Variants in DCDC2B observed in about 807,000 individuals in gnomAD.
The protein encoded by DCDC2B is doublecortin domain-containing protein 2B.
A neutral mutation model predicts 38.9 loss-of-function variants in DCDC2B; 41 were observed. The observed-to-expected ratio is 1.05, with a 90% CI of 0.82 to 1.37. DCDC2B has a LOEUF of 1.37. DCDC2B is among the 40% of genes most tolerant of loss of function. DCDC2B has a pLI of 0.00. For missense variants in DCDC2B, 453 were observed against 427.2 expected (o/e 1.06, Z -0.53); for synonymous variants, 181 against 171.9 (o/e 1.05, Z -0.41).
At position 32,214,846 on chromosome 1, in the gene DCDC2B, A is replaced by AC. The variant is rs1396124368; in HGVS notation, c.766dup (p.Arg256ProfsTer3). 2.5e-6 allele frequency: 4 copies of AC among 1,613,758 alleles called. No individual in the cohort carries two copies. In the African/African-American group the frequency reaches 4.0e-5, roughly 16 times the overall value. The stretch of plus-strand genomic sequence containing the variant: ...ACCCAGCCCTCTCCAAAGGAACCAG[A>AC]CCGAATTAAGCCATCTGCTTTCTAT... On this transcript the variant is annotated frameshift_variant, in exon 7 of 9. Transcript: ENST00000409358. LOFTEE classifies it high-confidence loss of function.
intron 1 of DCDC2B, 55 bp downstream of exon 1, chr1:32,209,414 G>A (rs200321560): frequency 4.0e-5 from 63 of 1,591,832 alleles, no homozygotes; most frequent in South Asian, 2.6e-4. Context: ...CGGCAAGAGC[G>A]TGTATTCAGT....
intron 6 of DCDC2B, chr1:32,214,526 C>T: frequency 1.1e-5 from 5 of 448,972 alleles, no homozygotes; most frequent in Non-Finnish European, 1.2e-5. Context: ...AGAAATGAGC[C>T]AGTGAGCATG....
In DCDC2B at chr1:32,212,171, A is replaced by T. The variant is rs1643613835; in HGVS notation, c.497A>T (p.Lys166Met). 1 of 1,613,572 alleles carries T rather than the reference A, an allele frequency of 6.2e-7. No homozygotes were observed. The highest frequency in any genetic ancestry group is 1.3e-5 in the African/African-American group (1 of 74,922). ...WETVLKLLTE[K>M]VKLQSGAVCK... ...ACTGTGTTGAAGCTCCTGACTGAGA[A>T]GGTCAAGTTGCAGAGTGGGGCTGTG... is the stretch of plus-strand genomic sequence containing the variant. The change falls in exon 4 of 9, where the codon AAG becomes ATG. Residue 166 changes from lysine to methionine, a missense_variant. Physicochemically the swap from Lys to Met is moderately conservative, Grantham distance 95 (BLOSUM62 -1). Transcript: ENST00000409358.
chr1:32,212,167 G>A lies in DCDC2B; in HGVS notation c.493G>A (p.Glu165Lys), dbSNP rs1398098856. The A allele has an allele frequency of 1.9e-6, 3 of 1,613,752 alleles. No homozygotes were observed. The highest frequency in any genetic ancestry group is 2.5e-6 in the Non-Finnish European group (3 of 1,179,866). ...DWETVLKLLTEKVKLQSGAVC... is the reference protein window; with the variant it reads ...DWETVLKLLTKKVKLQSGAVC... ...GGAAACTGTGTTGAAGCTCCTGACTGAGAAGGTCAAGTTGCAGAGTGGGGC... is the reference window on the plus strand; with the variant it reads ...GGAAACTGTGTTGAAGCTCCTGACTAAGAAGGTCAAGTTGCAGAGTGGGGC... Residue 165 changes from glutamate to lysine, a missense_variant, in exon 4 of 9, where the codon GAG becomes AAG. Glu to Lys is a moderately conservative substitution (Grantham distance 56). Coordinates refer to ENST00000409358, the MANE Select transcript of DCDC2B (RefSeq NM_001099434.2).
Position 32,215,315 on chromosome 1 carries a change from T to G in DCDC2B, c.851-125T>G, listed in dbSNP as rs1032087817. ...CCCACCTCTCACTTCCTTGCCATCC[T>G]GGGAGGTGGTGGGGAATGCAGAACC... On this transcript the variant is annotated intron_variant, in intron 7 of 8. Coordinates refer to ENST00000409358, the MANE Select transcript of DCDC2B (RefSeq NM_001099434.2). 4.5e-5 allele frequency: 35 copies of G among 782,496 alleles called. No individual in the cohort carries two copies. In the South Asian group the frequency reaches 5.0e-4, roughly 11 times the overall value. The allele number at this position is 782,496 out of a possible 1,614,324, so 48.5% of individuals were successfully genotyped here.
intron 6 of DCDC2B, among the ~76,000 whole-genome samples, chr1:32,213,238 C>T (rs950424712): frequency 2.0e-5 from 3 of 151,732 alleles, no homozygotes; most frequent in Admixed American, 6.6e-5. Flanking sequence ...CACGATATTG[C>T]GAAGGCTGGT....
At position 32,212,571 on chromosome 1, in the gene DCDC2B, T is replaced by C. The variant is rs749892214; in HGVS notation, c.609T>C (p.Asp203=). ...TGHYYVAVGE[D]EFKDLPYLEL... The stretch of plus-strand genomic sequence containing the variant: ...ATTACTATGTGGCTGTCGGAGAGGA[T>C]GAGTTCAAGGACCTTCCCTATCTGG... The change falls in exon 5 of 9, where the codon GAT becomes GAC. Residue 203 remains aspartate, a synonymous_variant. Coordinates refer to ENST00000409358, the MANE Select transcript of DCDC2B (RefSeq NM_001099434.2). 5.0e-5 allele frequency: 81 copies of C among 1,613,896 alleles called. No homozygotes were observed. Among genetic ancestry groups the C allele is most frequent in the Non-Finnish European group, 6.7e-5 (79 of 1,179,900 alleles).
chr1:32,210,991 C>T (rs1478765648), intron 1 of DCDC2B, among the ~76,000 whole-genome samples: 4 of 152,220 alleles, frequency 2.6e-5, no homozygotes, highest in Non-Finnish European at 5.9e-5. Context: ...CAGGCGTGAG[C>T]TGCCATGCCC....
In DCDC2B at chr1:32,212,181, G is replaced by A. The variant is rs1318013038; in HGVS notation, c.507G>A (p.Leu169=). The change falls in exon 4 of 9, where the codon TTG becomes TTA. Residue 169 remains leucine (L), a synonymous_variant. Transcript: ENST00000409358. ...VLKLLTEKVK[L]QSGAVCKLCT... is the part of the protein sequence containing the mutation. ...AGCTCCTGACTGAGAAGGTCAAGTT[G>A]CAGAGTGGGGCTGTGTGCAAGTGAG... 2 of 1,613,524 alleles carry A rather than the reference G, an allele frequency of 1.2e-6. No individual in the cohort carries two copies. Among genetic ancestry groups the A allele is most frequent in the Admixed American group, 3.3e-5 (2 of 60,026 alleles).
rs1225775201 is a variant in DCDC2B, at chr1:32,212,550, C to T, written c.588C>T (p.Tyr196=). The T allele has an allele frequency of 6.2e-7, 1 of 1,614,050 alleles. No homozygotes were observed. The highest frequency in any genetic ancestry group is 1.7e-5 in the Admixed American group (1 of 60,024). The change falls in exon 5 of 9, where the codon TAC becomes TAT. Residue 196 remains tyrosine (Y), a synonymous_variant. Transcript: ENST00000409358. ...GGAAGGAGCTGGTAACTGGCCATTA[C>T]TATGTGGCTGTCGGAGAGGATGAGT... ...SAGKELVTGH[Y]YVAVGEDEFK... is the part of the protein sequence containing the mutation.
Position 32,212,748 on chromosome 1 carries a change from TTG to T in DCDC2B, c.675-4_675-3del. 1 of 1,613,890 alleles carries T rather than the reference TTG, an allele frequency of 6.2e-7. No individual in the cohort carries two copies. Among genetic ancestry groups the T allele is most frequent in the Non-Finnish European group, 8.5e-7 (1 of 1,179,860 alleles). ...CCACTACAAGCCTTTCCTTTTGTCA[TTG>T]TAGGCAACCTCCAGGCTCGAAGTCT... On this transcript the variant is annotated splice_polypyrimidine_tract_variant and splice_region_variant and intron_variant, in intron 5 of 8. Transcript: ENST00000409358.
In DCDC2B at chr1:32,212,218, C is replaced by T. The variant is rs745468259; in HGVS notation, c.527+17C>T. On this transcript the variant is annotated intron_variant, in intron 4 of 8. Transcript: ENST00000409358. ...TGTGTGCAAGTGAGTATGGGGACTG[C>T]GAGGGCCCAAAAGTCCCCAAAGAGA... The T allele has an allele frequency of 4.4e-6, 7 of 1,608,350 alleles. No homozygotes were observed. The highest frequency in any genetic ancestry group is 2.2e-5 in the South Asian group (2 of 90,828).
intron 7 of DCDC2B, chr1:32,215,211 A>C (rs1287570977): frequency 3.9e-5 from 23 of 585,752 alleles, no homozygotes; most frequent in Admixed American, 1.0e-4. Flanking sequence ...ACATGAAAAG[A>C]AGCACCTGGA....
intron 1 of DCDC2B, among the ~76,000 whole-genome samples, chr1:32,210,140 C>G (rs1175307380): frequency 6.6e-6 from 1 of 152,122 alleles, no homozygotes; most frequent in Admixed American, 6.6e-5. Context: ...CCAGCCTGAC[C>G]AACATGGAGA....
rs1174072827 is a variant in DCDC2B at position 32,215,446 on chromosome 1, T to C, written c.857T>C (p.Ile286Thr). The C allele has an allele frequency of 8.7e-6, 14 of 1,611,564 alleles. 1 individual carries two copies. Among genetic ancestry groups the C allele is most frequent in the East Asian group, 6.7e-5 (3 of 44,838 alleles). ...TGCTGCCTCCCCTCTTTAGGAGTTATAGGAGTATATGGAGCTCCCCACCGA... is the reference window on the plus strand; with the variant it reads ...TGCTGCCTCCCCTCTTTAGGAGTTACAGGAGTATATGGAGCTCCCCACCGA... ...LPTLSFPSGV[I>T]GVYGAPHRRK... is the part of the protein sequence containing the mutation. The change falls in exon 8 of 9, where the codon ATA becomes ACA. Residue 286 changes from isoleucine to threonine, a missense_variant. Ile to Thr is a moderately conservative substitution (Grantham distance 89, BLOSUM62 -1). Coordinates refer to ENST00000409358, the MANE Select transcript of DCDC2B (RefSeq NM_001099434.2).
At chr1:32,213,916 T>C (rs1173613570) in intron 6 of DCDC2B, among the ~76,000 whole-genome samples, 1 of 151,978 alleles carries the variant, frequency 6.6e-6, no homozygotes, top group Non-Finnish European at 1.5e-5. Context: ...CCTCCCAAAG[T>C]GCTGGGATTA....
At chr1:32,212,899 C>CT (rs1271609052) in intron 6 of DCDC2B, 106 bp downstream of exon 6, 57 of 1,366,456 alleles carry the variant, frequency 4.2e-5, no homozygotes, top group South Asian at 7.7e-5. Context: ...TCTCTTTTTT[C>CT]TTTTTCTTTG....
intron 1 of DCDC2B, 46 bp downstream of exon 1, chr1:32,209,405 G>A (rs373482876): frequency 4.1e-5 from 65 of 1,601,756 alleles, no homozygotes; most frequent in East Asian, 3.6e-4. Context: ...GGGAGGTAAC[G>A]GCAAGAGCGT....
chr1:32,215,590 T>C (rs745745710), intron 8 of DCDC2B, 47 bp downstream of exon 8: 3 of 1,569,628 alleles, frequency 1.9e-6, no homozygotes, highest in East Asian at 2.2e-5. Flanking sequence ...GGAGGAGCTC[T>C]GAGCTGGAAA....
Sources: allele counts gnomAD v4.1 joint callset (sites outside exome capture counted in the v4.1 genomes callset), GRCh38; gene constraint gnomAD v4.1.1; transcripts MANE v1.5; gene names NCBI Gene and HGNC (gene_info 2026-07-23, HGNC 2026-07-21).